NELL1: variants seen among roughly 807,000 people sequenced by gnomAD.
NELL1 encodes protein kinase C-binding protein NELL1.
In NELL1, 76 loss-of-function variants were observed where a neutral mutation model predicts 107.4. That is an observed-to-expected ratio of 0.71 (90% confidence interval 0.59 to 0.86). The LOEUF (loss-of-function observed/expected upper bound fraction) is 0.86. Among genes scored for constraint, NELL1 ranks in the 40% least tolerant of loss-of-function variants. The pLI, the probability that NELL1 is intolerant of heterozygous loss-of-function variation, is 0.00. For missense variants in NELL1, 1,024 were observed against 1,005.5 expected (o/e 1.02, Z -0.25); for synonymous variants, 353 against 341.2 (o/e 1.03, Z -0.38).
chr11:20,707,243 A>G (rs997182618), intron 2 of NELL1, among the ~76,000 whole-genome samples: 2 of 151,992 alleles, frequency 1.3e-5, no homozygotes, highest in Non-Finnish European at 1.5e-5. Flanking sequence ...GGTGCTGTTT[A>G]TTTTAGTTAG....
chr11:21,160,587 T>C (rs1565089824), intron 13 of NELL1, among the ~76,000 whole-genome samples: 1 of 152,184 alleles, frequency 6.6e-6, no homozygotes. Flanking sequence ...AACTGGCGCT[T>C]ATATCTGCAT....
chr11:21,428,289 CAG>C (rs1455462960), intron 15 of NELL1, among the ~76,000 whole-genome samples: 2 of 152,090 alleles, frequency 1.3e-5, no homozygotes, highest in African/African-American at 4.8e-5. Flanking sequence ...GCAGAATAAG[CAG>C]AGTGTGGTCA....
At chr11:21,144,150 A>T (rs1855924782) in intron 13 of NELL1, among the ~76,000 whole-genome samples, 1 of 152,190 alleles carries the variant, frequency 6.6e-6, no homozygotes, top group Non-Finnish European at 1.5e-5. Context: ...GTGTTAGTTT[A>T]GAAAATGGGG....
At chr11:21,493,995 A>G (rs192826156) in intron 15 of NELL1, among the ~76,000 whole-genome samples, 270 of 152,062 alleles carry the variant, frequency 1.8e-3, no homozygotes, top group African/African-American at 6.3e-3. Flanking sequence ...CAACACCCCA[A>G]TAATCATTAT....
chr11:21,341,509 G>C (rs1850564105), intron 14 of NELL1, among the ~76,000 whole-genome samples: 1 of 152,174 alleles, frequency 6.6e-6, no homozygotes, highest in Admixed American at 6.5e-5. Flanking sequence ...AAAGTAATTA[G>C]TGTTTATGAC....
At chr11:20,943,055 GTT>G (rs5790149) in intron 10 of NELL1, among the ~76,000 whole-genome samples, 15,774 of 142,472 alleles carry the variant, frequency 0.11, 1,189 homozygotes, top group East Asian at 0.23. Flanking sequence ...ATCTTTTACT[GTT>G]TTTTTTTTTT....
chr11:20,950,903 C>T (rs1228545036), intron 11 of NELL1, among the ~76,000 whole-genome samples: 3 of 152,182 alleles, frequency 2.0e-5, no homozygotes, highest in Admixed American at 6.5e-5. Flanking sequence ...ACACCTGCAC[C>T]GAAGGCCTTT....
intron 12 of NELL1, among the ~76,000 whole-genome samples, chr11:21,043,373 G>A (rs1853282651): frequency 6.6e-6 from 1 of 152,118 alleles, no homozygotes; most frequent in African/African-American, 2.4e-5. Flanking sequence ...ATACATGCTA[G>A]ATGTAAAGTC....
intron 4 of NELL1, among the ~76,000 whole-genome samples, chr11:20,869,441 G>C (rs1427665504): frequency 6.6e-6 from 1 of 152,186 alleles, no homozygotes; most frequent in Non-Finnish European, 1.5e-5. Context: ...TCAAAGTGCT[G>C]ATGGACAATT....
chr11:21,035,240 A>C (rs1853059673), intron 12 of NELL1, among the ~76,000 whole-genome samples: 1 of 152,104 alleles, frequency 6.6e-6, no homozygotes. Flanking sequence ...TAAGTAGCCT[A>C]CCAACCAGAA....
At chr11:21,054,321 T>C (rs1853565333) in intron 12 of NELL1, among the ~76,000 whole-genome samples, 1 of 152,160 alleles carries the variant, frequency 6.6e-6, no homozygotes, top group South Asian at 2.1e-4. Flanking sequence ...GAAACCATAA[T>C]TTTTAATGAT....
chr11:20,826,671 A>G lies in NELL1; in HGVS notation c.336-20912A>G, dbSNP rs1340061304. On this transcript the variant is annotated intron_variant, in intron 3 of 19. Coordinates refer to ENST00000357134, the MANE Select transcript of NELL1 (RefSeq NM_006157.5). ...CCGGCTGGGGGATTGACACCCCTTC[A>G]GGAAAATCACCCAAAGGCTGACCTA... is the stretch of plus-strand genomic sequence containing the variant. Among the ~76,000 whole-genome samples, 8 of 151,106 alleles carry G rather than the reference A, an allele frequency of 5.3e-5. 1 individual carries two copies. Among genetic ancestry groups the G allele is most frequent in the Non-Finnish European group, 7.4e-5 (5 of 67,472 alleles).
chr11:21,564,428 A>C (rs1856923055), intron 17 of NELL1, among the ~76,000 whole-genome samples: 1 of 151,978 alleles, frequency 6.6e-6, no homozygotes, highest in Non-Finnish European at 1.5e-5. Flanking sequence ...CCATTTTCTC[A>C]GGTGAACAGG....
intron 3 of NELL1, among the ~76,000 whole-genome samples, chr11:20,785,021 CAG>C (rs1856925331): frequency 6.6e-6 from 1 of 152,168 alleles, no homozygotes; most frequent in African/African-American, 2.4e-5. Flanking sequence ...GAAGACCATA[CAG>C]AGAGAGTGCT....
At chr11:21,113,791 C>T in intron 13 of NELL1, 77 bp downstream of exon 13, 1 of 1,452,058 alleles carries the variant, frequency 6.9e-7, no homozygotes, top group Non-Finnish European at 9.3e-7. Context: ...TGTTTAATTC[C>T]TAGTGCACAA....
intron 14 of NELL1, among the ~76,000 whole-genome samples, chr11:21,313,998 C>CAG (rs1565162851): frequency 1.2e-4 from 3 of 24,276 alleles, no homozygotes; most frequent in African/African-American, 5.9e-4. Flanking sequence ...CTCTGCCCCC[C>CAG]CCCCCCCCCC....
intron 9 of NELL1, among the ~76,000 whole-genome samples, chr11:20,929,283 C>A (rs1850566449): frequency 6.6e-6 from 1 of 152,120 alleles, no homozygotes; most frequent in Admixed American, 6.5e-5. Context: ...AGAAACACAC[C>A]AATGTCAGTA....
At chr11:21,124,881 G>A (rs1186147925) in intron 13 of NELL1, among the ~76,000 whole-genome samples, 5 of 152,100 alleles carry the variant, frequency 3.3e-5, no homozygotes, top group Non-Finnish European at 7.4e-5. Flanking sequence ...GATTACAGGG[G>A]TGAGCCACTG....
At chr11:21,136,607 A>C (rs1331056985) in intron 13 of NELL1, among the ~76,000 whole-genome samples, 2 of 152,192 alleles carry the variant, frequency 1.3e-5, no homozygotes, top group Non-Finnish European at 2.9e-5. Context: ...TGAGGAGACA[A>C]ATCTATTACA....
Sources: gnomAD v4.1 joint callset for allele counts (sites outside exome capture counted in the v4.1 genomes callset) on GRCh38, gnomAD v4.1.1 for gene constraint, MANE v1.5 for transcripts, NCBI Gene and HGNC (gene_info 2026-07-23, HGNC 2026-07-21) for gene names.